The following TENM3 variants were observed in gnomAD, a reference collection of about 807,000 sequenced individuals.
TENM3 encodes the protein teneurin transmembrane protein 3.
A neutral mutation model predicts 255.1 loss-of-function variants in TENM3; 63 were observed. The ratio of observed to expected loss-of-function variants is 0.25; its 90% CI spans 0.20 to 0.30. The LOEUF is 0.30. Among genes scored for constraint, TENM3 ranks in the 10% least tolerant of loss-of-function variants. TENM3 has a pLI of 1.00. For missense variants in TENM3, 2,929 were observed against 3,461.1 expected (o/e 0.85, Z 3.86); for synonymous variants, 1,306 against 1,322.3 (o/e 0.99, Z 0.27).
chr4:181,616,189 A>T, the TENM3 span, among the ~76,000 whole-genome samples: 2 of 151,344 alleles, frequency 1.3e-5, no homozygotes, highest in Non-Finnish European at 2.9e-5. Flanking sequence ...GAATACATAC[A>T]CAGGCTGAAA....
chr4:181,635,141 C>A, the TENM3 span, among the ~76,000 whole-genome samples: 5 of 152,138 alleles, frequency 3.3e-5, no homozygotes, highest in Non-Finnish European at 7.3e-5. Context: ...AAAATTTTCT[C>A]TGCATCAGCA....
At chr4:181,466,316 C>T in the TENM3 span, among the ~76,000 whole-genome samples, 1 of 151,976 alleles carries the variant, frequency 6.6e-6, no homozygotes, top group Admixed American at 6.6e-5. Flanking sequence ...TGGGGTTTCA[C>T]CATGTTGATT....
At position 182,164,204 on chromosome 4, in the gene TENM3, G is replaced by C. The variant is rs114971021; in HGVS notation, c.-76+19450G>C. Among the ~76,000 whole-genome samples the C allele has an allele frequency of 2.9e-3, 445 of 152,176 alleles. 2 individuals carry two copies. Among genetic ancestry groups the C allele is most frequent in the African/African-American group, 9.1e-3 (379 of 41,522 alleles). On this transcript the variant is annotated intron_variant, in intron 1 of 2. Coordinates refer to the TENM3 transcript ENST00000512480. ...TCACGTATGCTCTTGCATGTCTCAG[G>C]CTCCCAAAACTAACATGGATCTGAA... is the stretch of plus-strand genomic sequence containing the variant.
At chr4:181,761,887 T>C in the TENM3 span, among the ~76,000 whole-genome samples, 1 of 152,214 alleles carries the variant, frequency 6.6e-6, no homozygotes, top group Non-Finnish European at 1.5e-5. Flanking sequence ...TTTTGAAATA[T>C]AAATTATCCA....
At position 182,312,751 on chromosome 4, in the gene TENM3, G is replaced by A. The variant is rs139978884; in HGVS notation, c.-75-11195G>A. Among the ~76,000 whole-genome samples, 820 of 152,276 alleles carry A rather than the reference G, an allele frequency of 5.4e-3. 8 individuals are homozygous for A. Among genetic ancestry groups the A allele is most frequent in the African/African-American group, 0.019 (771 of 41,546 alleles). On this transcript the variant is annotated intron_variant, in intron 1 of 27. Coordinates refer to ENST00000511685, the MANE Select transcript of TENM3 (RefSeq NM_001080477.4). ...GTGTAAATAGGTATGATGGATATTGGTTGATCCAGGCAGGCAGACAAATTG... is the reference window on the plus strand; with the variant it reads ...GTGTAAATAGGTATGATGGATATTGATTGATCCAGGCAGGCAGACAAATTG...
intron 5 of TENM3, among the ~76,000 whole-genome samples, chr4:182,632,237 A>C (rs940883773): frequency 1.3e-5 from 2 of 152,086 alleles, no homozygotes; most frequent in Non-Finnish European, 2.9e-5. Flanking sequence ...AAATACAGTG[A>C]CTTATTTTCT....
Position 182,606,560 on chromosome 4 carries a change from T to C in TENM3, c.749+5399T>C, listed in dbSNP as rs145583365. On this transcript the variant is annotated intron_variant, in intron 4 of 27. Transcript: ENST00000511685. ...AAAAAAAAAAAAAAGGTAGCGTATA[T>C]AAAATATGGTCCTGAATTTACTCAA... Among the ~76,000 whole-genome samples, 694 of 143,146 alleles carry C rather than the reference T, an allele frequency of 4.8e-3. 6 individuals carry two copies. The highest frequency in any genetic ancestry group is 0.017 in the African/African-American group (654 of 39,048). The allele number at this position is 143,146 out of a possible 152,430, so 93.9% of individuals were successfully genotyped here.
chr4:182,161,839 GTATATATACACAAATATATA>G lies in TENM3; in HGVS notation c.-76+17087_-76+17106del, dbSNP rs1561153845. On this transcript the variant is annotated intron_variant, in intron 1 of 2. Transcript: ENST00000512480. ...TGTATATATATACACATATATATGTGTATATATACACAAATATATATGTGTATATATGTGTATATATATAC... is the reference window on the plus strand; with the variant it reads ...TGTATATATATACACATATATATGTGTGTGTATATATGTGTATATATATAC... 1.2e-4 allele frequency among the ~76,000 whole-genome samples: 2 copies of G among 17,228 alleles called. 1 individual carries two copies. Among genetic ancestry groups the G allele is most frequent in the Non-Finnish European group, 2.0e-4 (2 of 9,936 alleles). The allele number at this position is 17,228 out of a possible 152,430, so 11.3% of individuals were successfully genotyped here.
At chr4:182,295,579 T>A (rs1402945522) in intron 1 of TENM3, among the ~76,000 whole-genome samples, 1 of 152,082 alleles carries the variant, frequency 6.6e-6, no homozygotes, top group African/African-American at 2.4e-5. Context: ...GTATATGTGC[T>A]TTTCTAGTCT....
chr4:181,888,454 TAGTC>T, the TENM3 span, among the ~76,000 whole-genome samples: 1 of 141,334 alleles, frequency 7.1e-6, no homozygotes, highest in Non-Finnish European at 1.5e-5. Flanking sequence ...CTGTCTGTAT[TAGTC>T]AGCGTTCTCC....
the TENM3 span, among the ~76,000 whole-genome samples, chr4:181,907,630 A>G: frequency 6.6e-6 from 1 of 152,102 alleles, no homozygotes; most frequent in African/African-American, 2.4e-5. Context: ...CAGCTCGGAG[A>G]TACATCCTAA....
chr4:181,946,636 C>T, the TENM3 span, among the ~76,000 whole-genome samples: 1 of 152,150 alleles, frequency 6.6e-6, no homozygotes, highest in African/African-American at 2.4e-5. Context: ...TATATCTCCC[C>T]TAGGTCCTTA....
chr4:181,499,769 T>C, the TENM3 span, among the ~76,000 whole-genome samples: 2 of 152,182 alleles, frequency 1.3e-5, no homozygotes, highest in East Asian at 3.9e-4. Flanking sequence ...TTAAGAACTT[T>C]AAAAAATAAG....
the TENM3 span, among the ~76,000 whole-genome samples, chr4:181,600,851 A>T: frequency 6.6e-6 from 1 of 152,052 alleles, no homozygotes; most frequent in African/African-American, 2.4e-5. Context: ...AGAAAAAAAA[A>T]AAACAAAGCT....
the TENM3 span, among the ~76,000 whole-genome samples, chr4:181,860,631 C>T: frequency 6.6e-6 from 1 of 152,076 alleles, no homozygotes; most frequent in South Asian, 2.1e-4. Context: ...ATCAGGTTGA[C>T]GAAGGGCAGA....
the TENM3 span, among the ~76,000 whole-genome samples, chr4:181,579,198 T>A: frequency 4.0e-5 from 6 of 151,876 alleles, no homozygotes. Context: ...AAAATAAGCA[T>A]CAGTTGTGAG....
the TENM3 span, among the ~76,000 whole-genome samples, chr4:181,676,399 G>T: frequency 4.7e-5 from 7 of 148,206 alleles, no homozygotes; most frequent in Non-Finnish European, 7.4e-5. Flanking sequence ...TTAGTTTCAG[G>T]AGGTATATGT....
chr4:181,850,591 C>A, the TENM3 span, among the ~76,000 whole-genome samples: 1 of 152,154 alleles, frequency 6.6e-6, no homozygotes, highest in Admixed American at 6.5e-5. Flanking sequence ...TACAACTCTG[C>A]AAACCATGTT....
chr4:182,087,734 A>T, the TENM3 span, among the ~76,000 whole-genome samples: 3 of 151,916 alleles, frequency 2.0e-5, no homozygotes, highest in South Asian at 2.1e-4. Flanking sequence ...CACATTGCCC[A>T]TACGTGGCCA....
Sources: gnomAD v4.1 joint callset for allele counts (sites outside exome capture counted in the v4.1 genomes callset) on GRCh38, gnomAD v4.1.1 for gene constraint, MANE v1.5 for transcripts, NCBI Gene and HGNC (gene_info 2026-07-23, HGNC 2026-07-21) for gene names.